The following CLEC16A variants were observed in gnomAD, a reference collection of about 807,000 sequenced individuals.
CLEC16A encodes the protein protein CLEC16A.
A neutral mutation model predicts 109.5 loss-of-function variants in CLEC16A; 51 were observed. That is an observed-to-expected ratio of 0.47 (90% CI 0.37 to 0.59). The LOEUF is 0.59. Ranked by LOEUF, CLEC16A falls within the 20% of genes least tolerant of loss-of-function variation. The probability of loss-of-function intolerance (pLI) is 0.00; values close to 1 mark genes in which losing one functional copy is unlikely to be tolerated. For missense variants in CLEC16A, 1,339 were observed against 1,394.0 expected, an observed-to-expected ratio of 0.96 and a Z score of 0.63; for synonymous variants, 673 against 564.2, an observed-to-expected ratio of 1.19 and a Z score of -2.73.
intron 22 of CLEC16A, among the ~76,000 whole-genome samples, chr16:11,158,783 G>A (rs1314824887): frequency 6.6e-6 from 1 of 152,194 alleles, no homozygotes; most frequent in African/African-American, 2.4e-5. Flanking sequence ...AGCTGGGCAT[G>A]GTGGTGCATG....
In CLEC16A at chr16:10,973,064, A is replaced by C; in HGVS notation, c.728+3A>C. On this transcript the variant is annotated splice_donor_region_variant and intron_variant, in intron 7 of 23. Coordinates refer to ENST00000409790, the MANE Select transcript of CLEC16A (RefSeq NM_015226.3). The stretch of plus-strand genomic sequence containing the variant: ...GACTGCGTGCAGACTGATGAGGAGT[A>C]AGTGACACCCCCAGGGCCACTCAGT... 6.2e-7 allele frequency: 1 copy of C among 1,601,076 alleles called. No homozygotes were observed.
chr16:11,082,501 C>G (rs1003807349), intron 19 of CLEC16A, among the ~76,000 whole-genome samples: 2 of 152,208 alleles, frequency 1.3e-5, no homozygotes, highest in Admixed American at 6.5e-5. Context: ...AAATTTGGGG[C>G]TACAGGTAAG....
Position 11,166,558 on chromosome 16 carries a change from G to C in CLEC16A, c.2806+6G>C. 1 of 1,582,550 alleles carries C rather than the reference G, an allele frequency of 6.3e-7. No individual in the cohort carries two copies. Among genetic ancestry groups the C allele is most frequent in the African/African-American group, 1.3e-5 (1 of 74,342 alleles). On this transcript the variant is annotated splice_donor_region_variant and intron_variant, in intron 23 of 23. Transcript: ENST00000409790. The stretch of plus-strand genomic sequence containing the variant: ...CACAGCCCAGAGTCCAGCAGGTATT[G>C]GCCACGTGACTCAGTGATATGGGGA...
At chr16:11,039,981 C>A in intron 14 of CLEC16A, 105 bp downstream of exon 14, 1 of 1,370,216 alleles carries the variant, frequency 7.3e-7, no homozygotes, top group Non-Finnish European at 9.7e-7. Context: ...TTCTGAGAAT[C>A]CGGGCCCATC....
At chr16:10,969,337 G>C (rs199543044) in intron 4 of CLEC16A, 28 bp downstream of exon 4, 2 of 1,545,948 alleles carry the variant, frequency 1.3e-6, no homozygotes, top group Non-Finnish European at 1.7e-6. Context: ...GGGCACGTGT[G>C]GGTGTAAAGC....
chr16:10,958,533 G>A (rs1431192182), intron 2 of CLEC16A, among the ~76,000 whole-genome samples: 2 of 152,178 alleles, frequency 1.3e-5, no homozygotes, highest in Non-Finnish European at 2.9e-5. Context: ...GAGAGAAAAA[G>A]TTCTCTTTGT....
chr16:11,061,110 G>T, intron 19 of CLEC16A, 88 bp downstream of exon 19: 3 of 1,395,780 alleles, frequency 2.1e-6, no homozygotes, highest in East Asian at 2.6e-5. Flanking sequence ...CACTGGGAGG[G>T]TCAGTGTGCA....
intron 3 of CLEC16A, among the ~76,000 whole-genome samples, chr16:10,966,889 C>T (rs1355051218): frequency 2.0e-5 from 3 of 152,124 alleles, no homozygotes; most frequent in Non-Finnish European, 2.9e-5. Context: ...ATAGCCAAAC[C>T]ATATCATACA....
At chr16:10,982,405 C>G (rs1021948639) in intron 9 of CLEC16A, among the ~76,000 whole-genome samples, 4 of 152,214 alleles carry the variant, frequency 2.6e-5, no homozygotes, top group African/African-American at 9.6e-5. Context: ...GTGATGGAAT[C>G]TCTGTGTAGC....
intron 17 of CLEC16A, 53 bp from the exon 18 acceptor site, chr16:11,051,460 C>A: frequency 6.3e-7 from 1 of 1,579,184 alleles, no homozygotes; most frequent in Non-Finnish European, 8.7e-7. Context: ...CCGGCCCCTT[C>A]CTCCTTCCAA....
intron 1 of CLEC16A, among the ~76,000 whole-genome samples, chr16:10,951,244 A>G (rs572924385): frequency 3.3e-5 from 5 of 152,208 alleles, no homozygotes; most frequent in Non-Finnish European, 7.3e-5. Context: ...AAGCTCGGAT[A>G]TTGAGACTGC....
chr16:11,029,229 C>T (rs2152823632), intron 13 of CLEC16A, among the ~76,000 whole-genome samples: 1 of 152,282 alleles, frequency 6.6e-6, no homozygotes, highest in Middle Eastern at 3.4e-3. Flanking sequence ...TGAGACTCTA[C>T]TGTGTCCCAT....
At chr16:11,108,718 C>T (rs1450393314) in intron 19 of CLEC16A, among the ~76,000 whole-genome samples, 3 of 152,162 alleles carry the variant, frequency 2.0e-5, no homozygotes, top group Non-Finnish European at 4.4e-5. Flanking sequence ...TTTGTGGCCA[C>T]CTCATAGGAT....
intron 3 of CLEC16A, among the ~76,000 whole-genome samples, chr16:10,965,543 G>C (rs1173733828): frequency 6.6e-6 from 1 of 152,154 alleles, no homozygotes; most frequent in African/African-American, 2.4e-5. Context: ...TTTAGGAGTG[G>C]CAGCTTGTTG....
chr16:11,123,623 A>T, intron 20 of CLEC16A, 119 bp from the exon 21 acceptor site: 2 of 961,310 alleles, frequency 2.1e-6, no homozygotes, highest in Non-Finnish European at 3.2e-6. Context: ...TGTCGATCTT[A>T]GATCAAAAGC....
intron 1 of CLEC16A, among the ~76,000 whole-genome samples, chr16:10,952,141 C>G (rs2041766197): frequency 6.6e-6 from 1 of 152,350 alleles, no homozygotes; most frequent in East Asian, 1.9e-4. Flanking sequence ...GTTTCTCTTT[C>G]ATTGTTGTCA....
intron 11 of CLEC16A, among the ~76,000 whole-genome samples, chr16:11,019,924 C>G (rs755885345): frequency 2.0e-5 from 3 of 152,100 alleles, no homozygotes; most frequent in Non-Finnish European, 2.9e-5. Flanking sequence ...TTTAAACTCT[C>G]GAAATAGAAT....
chr16:10,962,596 C>T lies in CLEC16A; in HGVS notation c.343+8C>T. 6.2e-7 allele frequency: 1 copy of T among 1,613,540 alleles called. No individual in the cohort carries two copies. On this transcript the variant is annotated splice_region_variant and intron_variant, in intron 3 of 23. Transcript: ENST00000409790. Reference sequence around the variant, plus strand: ...GTCACGAGACCTCACTTTGTAAGGACATTCCTTGGTATTTGCCTCTGTGCT... The same window carrying T: ...GTCACGAGACCTCACTTTGTAAGGATATTCCTTGGTATTTGCCTCTGTGCT...
rs2068909906 is a variant in CLEC16A at position 11,180,036 on chromosome 16, G to A, written c.*1346G>A. 1 of 152,474 alleles carries A rather than the reference G, an allele frequency of 6.6e-6. No individual in the cohort carries two copies. Among genetic ancestry groups the A allele is most frequent in the Non-Finnish European group, 1.5e-5 (1 of 68,264 alleles). The allele number at this position is 152,474 out of a possible 1,614,324, so 9.4% of individuals were successfully genotyped here. On this transcript the variant is annotated 3_prime_UTR_variant, in exon 24 of 24. Transcript: ENST00000409790. Reference sequence around the variant, plus strand: ...GCGGCCCCTCACCTCTCTGGTCACTGGTGAGACCTTCCACAACTTTCCTCC... The same window carrying A: ...GCGGCCCCTCACCTCTCTGGTCACTAGTGAGACCTTCCACAACTTTCCTCC...
Sources: allele counts gnomAD v4.1 joint callset (sites outside exome capture counted in the v4.1 genomes callset), GRCh38; gene constraint gnomAD v4.1.1; transcripts MANE v1.5; gene names NCBI Gene and HGNC (gene_info 2026-07-23, HGNC 2026-07-21).